The following IGBP1C variants were observed in gnomAD, a reference collection of about 807,000 sequenced individuals.
IGBP1C encodes the protein immunoglobulin-binding protein 1 family member C.
the IGBP1C span, among the ~76,000 whole-genome samples, chr17:58,665,819 G>A: frequency 3.3e-5 from 5 of 152,142 alleles, no homozygotes; most frequent in African/African-American, 4.8e-5. Flanking sequence ...GCCGAGGAGG[G>A]TGGATCACAT....
chr17:58,668,999 T>A, the IGBP1C span, among the ~76,000 whole-genome samples: 6 of 152,192 alleles, frequency 3.9e-5, 1 homozygote, highest in Non-Finnish European at 1.5e-5. Flanking sequence ...AAATGGAACC[T>A]GGCAATTATC....
chr17:58,660,652 G>T, the IGBP1C span: 2 of 786,870 alleles, frequency 2.5e-6, no homozygotes, highest in Non-Finnish European at 4.7e-6. Flanking sequence ...GAGCTCTTTG[G>T]AGTGTTTGTT....
At chr17:58,683,514 G>A in the IGBP1C span, among the ~76,000 whole-genome samples, 7 of 152,140 alleles carry the variant, frequency 4.6e-5, no homozygotes, top group Admixed American at 4.6e-4. Flanking sequence ...TGTAATCCCA[G>A]CACTTTGGGA....
At chr17:58,665,473 C>CT in the IGBP1C span, among the ~76,000 whole-genome samples, 1 of 151,960 alleles carries the variant, frequency 6.6e-6, no homozygotes, top group African/African-American at 2.4e-5. Context: ...TCATGCGTGG[C>CT]TGTAGTCCAG....
At chr17:58,688,914 ATTTTGT>A in the IGBP1C span, among the ~76,000 whole-genome samples, 3 of 151,808 alleles carry the variant, frequency 2.0e-5, no homozygotes, top group Non-Finnish European at 2.9e-5. Flanking sequence ...TTACCCCCAC[ATTTTGT>A]TTTTATTTCT....
chr17:58,670,424 T>TA, the IGBP1C span, among the ~76,000 whole-genome samples: 66 of 143,162 alleles, frequency 4.6e-4, no homozygotes, highest in African/African-American at 6.4e-4. Context: ...TTGGGAAGAT[T>TA]AAAAAAAAAA....
the IGBP1C span, among the ~76,000 whole-genome samples, chr17:58,688,378 C>T: frequency 6.6e-6 from 1 of 152,246 alleles, no homozygotes; most frequent in Admixed American, 6.6e-5. Flanking sequence ...CCTCAGCCTC[C>T]TAAAGTGATG....
At chr17:58,677,708 G>A in the IGBP1C span, 1 of 131,260 alleles carries the variant, frequency 7.6e-6, no homozygotes, top group Non-Finnish European at 1.6e-5. Flanking sequence ...CACCTTTGTG[G>A]TCAGGGTATC....
chr17:58,688,523 A>G, the IGBP1C span, among the ~76,000 whole-genome samples: 1 of 152,226 alleles, frequency 6.6e-6, no homozygotes, highest in African/African-American at 2.4e-5. Flanking sequence ...GAATGCTGTA[A>G]AAACTGAGAA....
At chr17:58,667,101 G>A in the IGBP1C span, among the ~76,000 whole-genome samples, 1 of 152,342 alleles carries the variant, frequency 6.6e-6, no homozygotes, top group South Asian at 2.1e-4. Flanking sequence ...GGATCTCCCT[G>A]TATGGAGAGT....
the IGBP1C span, among the ~76,000 whole-genome samples, chr17:58,669,224 C>A: frequency 4.6e-5 from 7 of 151,910 alleles, no homozygotes; most frequent in Admixed American, 2.0e-4. Flanking sequence ...TGGTGGTACA[C>A]GCCTCTAATT....
the IGBP1C span, among the ~76,000 whole-genome samples, chr17:58,681,096 AC>A: frequency 1.3e-5 from 2 of 152,078 alleles, no homozygotes; most frequent in African/African-American, 4.8e-5. Flanking sequence ...AGCCTGGCCA[AC>A]ATGGCGAAAC....
chr17:58,690,103 T>A, the IGBP1C span, among the ~76,000 whole-genome samples: 1 of 151,990 alleles, frequency 6.6e-6, no homozygotes, highest in Admixed American at 6.6e-5. Flanking sequence ...CAGAAGATAT[T>A]AATAGCACTT....
the IGBP1C span, among the ~76,000 whole-genome samples, chr17:58,678,153 G>A: frequency 6.6e-6 from 1 of 151,762 alleles, no homozygotes; most frequent in Admixed American, 6.6e-5. Flanking sequence ...CCAACTCAAG[G>A]GGGAAAAAAA....
At chr17:58,675,056 G>T in the IGBP1C span, among the ~76,000 whole-genome samples, 1 of 151,376 alleles carries the variant, frequency 6.6e-6, no homozygotes, top group Non-Finnish European at 1.5e-5. Flanking sequence ...TGAGGCATGA[G>T]AATCACTTGA....
chr17:58,664,732 T>C, the IGBP1C span, among the ~76,000 whole-genome samples: 1 of 152,208 alleles, frequency 6.6e-6, no homozygotes, highest in African/African-American at 2.4e-5. Flanking sequence ...TCCATTAAAA[T>C]ATATGTTAAA....
the IGBP1C span, chr17:58,660,887 T>C: frequency 1.2e-6 from 1 of 814,570 alleles, no homozygotes; most frequent in South Asian, 1.3e-5. Context: ...TGGAGGCCTC[T>C]TCTGGTGACA....
the IGBP1C span, among the ~76,000 whole-genome samples, chr17:58,680,920 T>G: frequency 1.1e-4 from 16 of 152,180 alleles, no homozygotes; most frequent in African/African-American, 3.9e-4. Context: ...TTTATAACTT[T>G]TTTTTCCTTG....
chr17:58,684,680 A>G, the IGBP1C span, among the ~76,000 whole-genome samples: 4 of 143,594 alleles, frequency 2.8e-5, no homozygotes, highest in Non-Finnish European at 6.1e-5. Flanking sequence ...TAAATAAATA[A>G]AAAGCTTTCT....
Sources: gnomAD v4.1 joint callset for allele counts (sites outside exome capture counted in the v4.1 genomes callset) on GRCh38, gnomAD v4.1.1 for gene constraint, MANE v1.5 for transcripts, NCBI Gene and HGNC (gene_info 2026-07-23, HGNC 2026-07-21) for gene names.